STRN3: variants seen among roughly 807,000 people sequenced by gnomAD.
STRN3 encodes striatin 3.
In STRN3, 29 loss-of-function variants were observed where a neutral mutation model predicts 95.6. The ratio of observed to expected loss-of-function variants is 0.30; its 90% CI spans 0.23 to 0.41. The LOEUF is 0.41. STRN3 is among the 10% of genes least tolerant of loss of function. The probability of loss-of-function intolerance (pLI) is 1.00; values close to 1 mark genes in which losing one functional copy is unlikely to be tolerated. For synonymous variants in STRN3, 331 were observed against 357.6 expected, an observed-to-expected ratio of 0.93 and a Z score of 0.84; for missense variants, 890 against 972.1, an observed-to-expected ratio of 0.92 and a Z score of 1.12.
intron 4 of STRN3, among the ~76,000 whole-genome samples, chr14:30,948,610 A>G (rs11623403): frequency 0.16 from 23,759 of 152,290 alleles, 2,082 homozygotes; most frequent in South Asian, 0.33. Flanking sequence ...ATAACAAAAA[A>G]GGTCTCTTGA....
intron 12 of STRN3, among the ~76,000 whole-genome samples, chr14:30,911,398 T>C (rs1896605726): frequency 6.7e-6 from 1 of 149,952 alleles, no homozygotes; most frequent in African/African-American, 2.5e-5. Context: ...ACCTCCCAGG[T>C]TCGAGCGATT....
intron 7 of STRN3, among the ~76,000 whole-genome samples, chr14:30,933,280 TAAAA>T (rs35736582): frequency 4.4e-5 from 1 of 22,778 alleles, no homozygotes; most frequent in African/African-American, 1.5e-4. Flanking sequence ...CCCTGTTTCA[TAAAA>T]AAAAAAAAAA....
At chr14:31,009,880 C>CT (rs1882889820) in intron 1 of STRN3, among the ~76,000 whole-genome samples, 1 of 152,064 alleles carries the variant, frequency 6.6e-6, no homozygotes, top group Non-Finnish European at 1.5e-5. Flanking sequence ...GGTAGGATTG[C>CT]TTGAGACCAG....
chr14:30,968,435 A>T (rs1489779686), intron 1 of STRN3, among the ~76,000 whole-genome samples: 1 of 150,510 alleles, frequency 6.6e-6, no homozygotes, highest in Non-Finnish European at 1.5e-5. Flanking sequence ...TAATCCCAAC[A>T]CTTTGGGAGG....
intron 9 of STRN3, among the ~76,000 whole-genome samples, chr14:30,917,374 C>T (rs936945077): frequency 2.6e-5 from 4 of 152,026 alleles, no homozygotes; most frequent in African/African-American, 9.7e-5. Flanking sequence ...CTGGCTTTTT[C>T]CGTTAAGTCA....
chr14:30,941,775 G>A (rs2139093988), intron 5 of STRN3, among the ~76,000 whole-genome samples: 1 of 152,170 alleles, frequency 6.6e-6, no homozygotes, highest in Admixed American at 6.5e-5. Flanking sequence ...ACAGGCGCCT[G>A]CCACCATGCC....
At chr14:30,941,179 T>G (rs773236770) in intron 5 of STRN3, among the ~76,000 whole-genome samples, 1 of 152,158 alleles carries the variant, frequency 6.6e-6, no homozygotes, top group Non-Finnish European at 1.5e-5. Flanking sequence ...TTTCTATTGT[T>G]TATAAGCTAC....
At chr14:31,023,174 A>G (rs1883583020) in intron 1 of STRN3, among the ~76,000 whole-genome samples, 1 of 152,232 alleles carries the variant, frequency 6.6e-6, no homozygotes, top group Non-Finnish European at 1.5e-5. Context: ...AACTCTAAAA[A>G]ATATGCAGGC....
chr14:30,972,366 G>A (rs577873414), intron 1 of STRN3, among the ~76,000 whole-genome samples: 34 of 152,252 alleles, frequency 2.2e-4, no homozygotes, highest in Middle Eastern at 3.4e-3. Flanking sequence ...TAGTCAACAG[G>A]GGAATGACAC....
intron 1 of STRN3, among the ~76,000 whole-genome samples, chr14:30,956,654 T>G (rs1879920035): frequency 6.6e-6 from 1 of 152,140 alleles, no homozygotes; most frequent in Non-Finnish European, 1.5e-5. Context: ...AACTATAAAT[T>G]AGCTAGTTTA....
intron 1 of STRN3, among the ~76,000 whole-genome samples, chr14:30,999,261 T>G (rs1163830966): frequency 1.3e-5 from 2 of 152,150 alleles, no homozygotes; most frequent in Admixed American, 6.5e-5. Flanking sequence ...TTGCTCAGGT[T>G]AGTCTCAAAC....
At chr14:31,010,162 G>A (rs1257098892) in intron 1 of STRN3, among the ~76,000 whole-genome samples, 1 of 152,050 alleles carries the variant, frequency 6.6e-6, no homozygotes, top group East Asian at 1.9e-4. Flanking sequence ...AAAGGAAATA[G>A]GAAAAAGACA....
intron 1 of STRN3, among the ~76,000 whole-genome samples, chr14:30,966,126 G>A (rs762933423): frequency 1.3e-5 from 2 of 152,054 alleles, no homozygotes; most frequent in South Asian, 2.1e-4. Context: ...TTAGCCAATC[G>A]GAATTAGTTT....
intron 1 of STRN3, among the ~76,000 whole-genome samples, chr14:31,022,617 G>A (rs1355009285): frequency 1.3e-5 from 2 of 151,184 alleles, no homozygotes; most frequent in Admixed American, 6.7e-5. Flanking sequence ...TGTGGGCCAC[G>A]CAATACTAGA....
At chr14:30,951,026 C>T (rs1879615635) in intron 3 of STRN3, 82 bp from the exon 4 acceptor site, 1 of 1,182,776 alleles carries the variant, frequency 8.5e-7, no homozygotes, top group Non-Finnish European at 1.2e-6. Context: ...GGGATAAATT[C>T]CCATAAAAAC....
intron 5 of STRN3, among the ~76,000 whole-genome samples, chr14:30,944,553 G>T (rs1046898774): frequency 6.1e-5 from 4 of 65,874 alleles, no homozygotes; most frequent in African/African-American, 2.0e-4. Flanking sequence ...ATATATACAC[G>T]TATATATATA....
rs71112350 is a variant in STRN3 at position 30,902,171 on chromosome 14, CAAAAAAAAAAAAAAAAAAAAA to C, written c.2137+344_2137+364del. On this transcript the variant is annotated intron_variant, in intron 16 of 17. Coordinates refer to ENST00000357479, the MANE Select transcript of STRN3 (RefSeq NM_001083893.2). ...GGGCAACAAGAGCAAAACTCCGCCT[CAAAAAAAAAAAAAAAAAAAAA>C]AAAAAAAAAAAAAAAATGGAAATGC... Among the ~76,000 whole-genome samples, 253 of 39,864 alleles carry C rather than the reference CAAAAAAAAAAAAAAAAAAAAA, an allele frequency of 6.3e-3. 10 individuals are homozygous for C. In the East Asian group the frequency reaches 0.17, roughly 27 times the overall value. The allele number at this position is 39,864 out of a possible 152,430, so 26.2% of individuals were successfully genotyped here.
intron 6 of STRN3, among the ~76,000 whole-genome samples, chr14:30,936,103 T>C (rs1386457672): frequency 1.3e-5 from 2 of 152,266 alleles, no homozygotes; most frequent in East Asian, 3.8e-4. Flanking sequence ...GAGACTTATT[T>C]ATAATTCACA....
chr14:30,982,368 C>T (rs1242114573), intron 1 of STRN3, among the ~76,000 whole-genome samples: 3 of 152,102 alleles, frequency 2.0e-5, no homozygotes, highest in Non-Finnish European at 2.9e-5. Flanking sequence ...AGCACAGTGG[C>T]GCAATCTCAG....
Sources: gnomAD v4.1 joint callset for allele counts (sites outside exome capture counted in the v4.1 genomes callset) on GRCh38, gnomAD v4.1.1 for gene constraint, MANE v1.5 for transcripts, NCBI Gene and HGNC (gene_info 2026-07-23, HGNC 2026-07-21) for gene names.